ZPLD1: variants seen among roughly 807,000 people sequenced by gnomAD.
ZPLD1 encodes the protein zona pellucida-like domain-containing protein 1.
In ZPLD1, 34 loss-of-function variants were observed where a neutral mutation model predicts 47.2. The ratio of observed to expected loss-of-function variants is 0.72; its 90% CI spans 0.55 to 0.96. The LOEUF is 0.96. ZPLD1 is among the 40% of genes least tolerant of loss of function. The pLI, the probability that ZPLD1 is intolerant of heterozygous loss-of-function variation, is 0.00. For synonymous variants in ZPLD1, 176 were observed against 186.2 expected, an observed-to-expected ratio of 0.95 and a Z score of 0.45; for missense variants, 512 against 505.8, an observed-to-expected ratio of 1.01 and a Z score of -0.12.
At chr3:102,425,773 C>T (rs1706938235) in intron 8 of ZPLD1, among the ~76,000 whole-genome samples, 1 of 151,726 alleles carries the variant, frequency 6.6e-6, no homozygotes, top group African/African-American at 2.4e-5. Flanking sequence ...AATAATTTTC[C>T]TTCCTTTCAA....
chr3:102,415,105 T>A (rs1706790264), intron 7 of ZPLD1, among the ~76,000 whole-genome samples: 1 of 151,912 alleles, frequency 6.6e-6, no homozygotes. Flanking sequence ...TGGCTGAGTC[T>A]GTTCTTATAA....
upstream of ZPLD1, among the ~76,000 whole-genome samples, chr3:102,433,529 C>G (rs1707042778): frequency 6.6e-6 from 1 of 152,110 alleles, no homozygotes; most frequent in Admixed American, 6.5e-5. Context: ...GAACAATATT[C>G]TTTTTCTTTT....
intron 7 of ZPLD1, among the ~76,000 whole-genome samples, chr3:102,407,423 A>G (rs1246670114): frequency 1.0e-5 from 1 of 99,608 alleles, no homozygotes; most frequent in Non-Finnish European, 2.0e-5. Context: ...ATATATATAT[A>G]TATATATATA....
intron 8 of ZPLD1, among the ~76,000 whole-genome samples, chr3:102,428,397 T>G (rs1418447628): frequency 6.6e-6 from 1 of 152,124 alleles, no homozygotes; most frequent in Non-Finnish European, 1.5e-5. Flanking sequence ...TATTCTAGAG[T>G]TTTAAGAATT....
chr3:102,403,424 A>G (rs188959153), intron 7 of ZPLD1, among the ~76,000 whole-genome samples: 12 of 152,090 alleles, frequency 7.9e-5, no homozygotes, highest in African/African-American at 1.7e-4. Flanking sequence ...TTCAACATAT[A>G]TGTAACTATC....
At chr3:102,459,870 T>C (rs1426387756) in intron 6 of ZPLD1, among the ~76,000 whole-genome samples, 1 of 152,144 alleles carries the variant, frequency 6.6e-6, no homozygotes, top group Non-Finnish European at 1.5e-5. Context: ...ATAGTTGACA[T>C]TTCTTTTATG....
intron 3 of ZPLD1, among the ~76,000 whole-genome samples, chr3:102,440,011 C>T (rs1381714141): frequency 2.0e-5 from 3 of 152,204 alleles, no homozygotes; most frequent in Admixed American, 6.5e-5. Flanking sequence ...ATTTGGCCAA[C>T]TGCAACTCTG....
intron 3 of ZPLD1, among the ~76,000 whole-genome samples, chr3:102,442,275 A>G (rs1216564410): frequency 6.6e-6 from 1 of 151,502 alleles, no homozygotes; most frequent in Non-Finnish European, 1.5e-5. Context: ...GGCAACAAAC[A>G]CCCAAACTTT....
chr3:102,406,797 A>C (rs1706692450), intron 7 of ZPLD1, among the ~76,000 whole-genome samples: 2 of 151,942 alleles, frequency 1.3e-5, no homozygotes, highest in Admixed American at 1.3e-4. Flanking sequence ...GCTGTAATTC[A>C]GAGCCTATCT....
At chr3:102,392,534 T>C (rs552613331) in intron 7 of ZPLD1, among the ~76,000 whole-genome samples, 1,615 of 144,164 alleles carry the variant, frequency 0.011, 30 homozygotes, top group African/African-American at 0.043. Flanking sequence ...CTTCCTTCCT[T>C]CCTCCCTCCC....
intron 3 of ZPLD1, among the ~76,000 whole-genome samples, chr3:102,442,319 AACACACAC>A (rs34634788): frequency 0.035 from 4,921 of 139,892 alleles, 107 homozygotes; most frequent in African/African-American, 0.063. Flanking sequence ...TACACCCATA[AACACACAC>A]ACACACACAC....
chr3:102,413,100 G>T (rs1706764173), intron 7 of ZPLD1, among the ~76,000 whole-genome samples: 5 of 151,616 alleles, frequency 3.3e-5, no homozygotes, highest in Admixed American at 3.3e-4. Context: ...CTGTCCTTTG[G>T]TGTGTATTAC....
At chr3:102,477,157 A>G in intron 11 of ZPLD1, 116 bp downstream of exon 11, 4 of 1,159,392 alleles carry the variant, frequency 3.5e-6, no homozygotes, top group Non-Finnish European at 5.1e-6. Flanking sequence ...ATTTTAGATA[A>G]CAGTTCACTG....
At chr3:102,455,542 A>G (rs372617408) in intron 4 of ZPLD1, among the ~76,000 whole-genome samples, 1 of 152,214 alleles carries the variant, frequency 6.6e-6, no homozygotes, top group African/African-American at 2.4e-5. Flanking sequence ...TATGATCTTC[A>G]TTCATTTGTT....
At chr3:102,426,330 C>T (rs1400702920) in intron 8 of ZPLD1, among the ~76,000 whole-genome samples, 2 of 152,032 alleles carry the variant, frequency 1.3e-5, no homozygotes, top group African/African-American at 4.8e-5. Context: ...CCAGCCTGGC[C>T]AACATGGTGA....
In ZPLD1 at chr3:102,457,843, T is replaced by A. The variant is rs1443982788; in HGVS notation, c.572T>A (p.Leu191His). The change falls in exon 6 of 12, where the codon CTC becomes CAC. Residue 191 changes from leucine (L) to histidine (H), a missense_variant. By Grantham distance (99) the Leu-to-His change is moderately conservative (BLOSUM62 -3). Coordinates refer to ENST00000466937, the MANE Select transcript of ZPLD1 (RefSeq NM_001329788.2). ...NGTFVSTLNLLLYNDSTYNQQ... is the reference protein window; with the variant it reads ...NGTFVSTLNLHLYNDSTYNQQ... The stretch of plus-strand genomic sequence containing the variant: ...ACATTTGTCAGCACTTTGAACCTGC[T>A]CCTTTATAACGTAAGTTGATGGGTG... 6.2e-7 allele frequency: 1 copy of A among 1,613,958 alleles called. No homozygotes were observed.
At chr3:102,426,444 G>T (rs1419255312) in intron 8 of ZPLD1, among the ~76,000 whole-genome samples, 2 of 151,772 alleles carry the variant, frequency 1.3e-5, no homozygotes, top group Admixed American at 6.6e-5. Context: ...CTTGAACCCA[G>T]GAGGCAGAGG....
chr3:102,418,283 A>C (rs1347404556), intron 8 of ZPLD1: 1 of 152,120 alleles, frequency 6.6e-6, no homozygotes, highest in Non-Finnish European at 1.5e-5. Context: ...GACTCAGTTT[A>C]ATTTAATAAT....
rs549549281 is a variant in ZPLD1 at position 102,429,064 on chromosome 3, C to T, written c.-8-9416C>T. 7.2e-5 allele frequency among the ~76,000 whole-genome samples: 11 copies of T among 152,190 alleles called. 1 individual carries two copies. In the East Asian group the frequency reaches 2.1e-3, roughly 29 times the overall value. ...ATTACTTATTAGTCAAAGGTTTTGGCTGGGACTATGGCTAGATTCTTATTT... is the reference window on the plus strand; with the variant it reads ...ATTACTTATTAGTCAAAGGTTTTGGTTGGGACTATGGCTAGATTCTTATTT... On this transcript the variant is annotated intron_variant, in intron 8 of 17. Coordinates refer to the ZPLD1 transcript ENST00000491959.
Sources: gnomAD v4.1 joint callset for allele counts (sites outside exome capture counted in the v4.1 genomes callset) on GRCh38, gnomAD v4.1.1 for gene constraint, MANE v1.5 for transcripts, NCBI Gene and HGNC (gene_info 2026-07-23, HGNC 2026-07-21) for gene names.